NRXN1: variants seen among roughly 807,000 people sequenced by gnomAD.
The protein encoded by NRXN1 is neurexin-1.
A neutral mutation model predicts 150.9 loss-of-function variants in NRXN1; 39 were observed. The ratio of observed to expected loss-of-function variants is 0.26; its 90% CI spans 0.20 to 0.34. NRXN1 has a LOEUF of 0.34. Ranked by LOEUF, NRXN1 falls within the 10% of genes least tolerant of loss-of-function variation. NRXN1 has a pLI of 1.00. For synonymous variants in NRXN1, 924 were observed against 757.0 expected (o/e 1.22, Z -3.62); for missense variants, 1,815 against 1,949.9 (o/e 0.93, Z 1.30).
intron 21 of NRXN1, among the ~76,000 whole-genome samples, chr2:50,026,085 C>A (rs541413626): frequency 6.6e-6 from 1 of 152,262 alleles, no homozygotes; most frequent in African/African-American, 2.4e-5. Context: ...GCATAAAAAA[C>A]TTCCTTAGAA....
At chr2:50,684,819 T>A (rs1338315131) in intron 5 of NRXN1, among the ~76,000 whole-genome samples, 1 of 152,230 alleles carries the variant, frequency 6.6e-6, no homozygotes, top group Non-Finnish European at 1.5e-5. Context: ...TTATTTTAGA[T>A]AAAGCTAAAT....
intron 17 of NRXN1, among the ~76,000 whole-genome samples, chr2:50,283,739 T>C (rs928668868): frequency 2.6e-5 from 4 of 152,154 alleles, no homozygotes; most frequent in Admixed American, 2.0e-4. Flanking sequence ...ATTTAATATA[T>C]GCTCTGACTG....
At chr2:50,312,769 A>G (rs775833765) in intron 17 of NRXN1, 2 of 516,200 alleles carry the variant, frequency 3.9e-6, no homozygotes, top group African/African-American at 3.9e-5. Flanking sequence ...AATTTCAGCT[A>G]CTTCATTTAT....
At chr2:50,969,857 G>A (rs1463248947) in intron 2 of NRXN1, among the ~76,000 whole-genome samples, 1 of 152,104 alleles carries the variant, frequency 6.6e-6, no homozygotes, top group Admixed American at 6.6e-5. Context: ...ATGTATATAT[G>A]GGAGCCTTCG....
intron 5 of NRXN1, among the ~76,000 whole-genome samples, chr2:50,713,693 A>C (rs1695493558): frequency 6.6e-6 from 1 of 152,214 alleles, no homozygotes; most frequent in Admixed American, 6.5e-5. Context: ...GCAAACAAAA[A>C]AAAACAGATA....
intron 21 of NRXN1, among the ~76,000 whole-genome samples, chr2:50,044,223 T>C (rs1372514848): frequency 6.6e-6 from 1 of 152,190 alleles, no homozygotes; most frequent in African/African-American, 2.4e-5. Context: ...CTTGGAGTTT[T>C]CTCAATAGCA....
intron 5 of NRXN1, among the ~76,000 whole-genome samples, chr2:50,821,764 G>A (rs1397919580): frequency 1.3e-5 from 2 of 152,022 alleles, no homozygotes; most frequent in Non-Finnish European, 2.9e-5. Flanking sequence ...GAAGGCTGGA[G>A]TAAAATAAGC....
intron 5 of NRXN1, among the ~76,000 whole-genome samples, chr2:50,852,176 A>C (rs1674612679): frequency 6.6e-6 from 1 of 152,178 alleles, no homozygotes; most frequent in East Asian, 1.9e-4. Flanking sequence ...CTGGCCCCAA[A>C]GGATTTGACC....
intron 5 of NRXN1, among the ~76,000 whole-genome samples, chr2:50,625,237 A>C (rs1256225115): frequency 1.3e-5 from 2 of 152,072 alleles, no homozygotes; most frequent in East Asian, 3.9e-4. Flanking sequence ...GTGCCAGATG[A>C]TCTGCCTTCC....
At chr2:50,591,952 A>G (rs905947399) in intron 8 of NRXN1, among the ~76,000 whole-genome samples, 4 of 152,140 alleles carry the variant, frequency 2.6e-5, no homozygotes, top group Non-Finnish European at 5.9e-5. Context: ...GTTGGATCCA[A>G]ATTTCGACCT....
intron 2 of NRXN1, among the ~76,000 whole-genome samples, chr2:50,936,573 C>A (rs1558451350): frequency 6.6e-6 from 1 of 152,128 alleles, no homozygotes; most frequent in African/African-American, 2.4e-5. Context: ...CAATGTATAT[C>A]TTGCAGCTAT....
chr2:50,825,872 G>C (rs1052757424), intron 5 of NRXN1, among the ~76,000 whole-genome samples: 1 of 152,184 alleles, frequency 6.6e-6, no homozygotes, highest in African/African-American at 2.4e-5. Context: ...TTAAATTAGA[G>C]AACACTTGGC....
intron 9 of NRXN1, chr2:50,548,366 G>C (rs1480329056): frequency 6.6e-6 from 1 of 152,086 alleles, no homozygotes; most frequent in Non-Finnish European, 1.5e-5. Context: ...TGGGCTTGGA[G>C]GATGGTGTTG....
chr2:50,837,757 TA>T (rs1574656283), intron 5 of NRXN1, among the ~76,000 whole-genome samples: 1 of 152,124 alleles, frequency 6.6e-6, no homozygotes, highest in East Asian at 1.9e-4. Context: ...GACAAAATGT[TA>T]ACAGATTTAA....
intron 8 of NRXN1, among the ~76,000 whole-genome samples, chr2:50,598,211 G>A (rs1419614568): frequency 1.3e-5 from 2 of 151,590 alleles, no homozygotes; most frequent in Non-Finnish European, 2.9e-5. Context: ...AAATGAATGA[G>A]TCCAAATCAA....
At chr2:50,549,027 T>C (rs1392696236) in intron 9 of NRXN1, among the ~76,000 whole-genome samples, 2 of 152,138 alleles carry the variant, frequency 1.3e-5, no homozygotes, top group Non-Finnish European at 2.9e-5. Flanking sequence ...CCTCTTGTCA[T>C]AGCAGTACAC....
intron 13 of NRXN1, among the ~76,000 whole-genome samples, chr2:50,498,380 C>A (rs1030474971): frequency 2.0e-5 from 3 of 152,158 alleles, no homozygotes; most frequent in African/African-American, 4.8e-5. Flanking sequence ...TTCACCTATG[C>A]CTTTTTTTGT....
chr2:50,409,936 T>C (rs2083023802), intron 17 of NRXN1, among the ~76,000 whole-genome samples: 1 of 152,158 alleles, frequency 6.6e-6, no homozygotes, highest in African/African-American at 2.4e-5. Context: ...AGTTCAAAGC[T>C]CTCGGTATTA....
intron 5 of NRXN1, among the ~76,000 whole-genome samples, chr2:50,904,314 TTCCTTGCA>T (rs1683360586): frequency 6.6e-6 from 1 of 152,182 alleles, no homozygotes; most frequent in Non-Finnish European, 1.5e-5. Flanking sequence ...CACCCTAGGC[TTCCTTGCA>T]GCCCCACTCT....
Sources: gnomAD v4.1 joint callset for allele counts (sites outside exome capture counted in the v4.1 genomes callset) on GRCh38, gnomAD v4.1.1 for gene constraint, MANE v1.5 for transcripts, NCBI Gene and HGNC (gene_info 2026-07-23, HGNC 2026-07-21) for gene names.